MBD5: variants seen among roughly 807,000 people sequenced by gnomAD.
The protein encoded by MBD5 is methyl-CpG-binding domain protein 5.
A neutral mutation model predicts 117.3 loss-of-function variants in MBD5; 13 were observed. The observed-to-expected ratio is 0.11, with a 90% CI of 0.07 to 0.18. The LOEUF (loss-of-function observed/expected upper bound fraction) is 0.18, where lower values mean the gene tolerates loss of function less well. Ranked by LOEUF, MBD5 falls within the 10% of genes least tolerant of loss-of-function variation. MBD5 has a pLI of 1.00. For synonymous variants in MBD5, 727 were observed against 766.4 expected, an observed-to-expected ratio of 0.95 and a Z score of 0.85; for missense variants, 1,879 against 2,093.8, an observed-to-expected ratio of 0.90 and a Z score of 2.00.
At chr2:148,313,561 T>A (rs1170806239) in intron 3 of MBD5, among the ~76,000 whole-genome samples, 1 of 152,162 alleles carries the variant, frequency 6.6e-6, no homozygotes, top group Non-Finnish European at 1.5e-5. Context: ...AGCCAGTGGA[T>A]CTTAACTTAC....
intron 4 of MBD5, among the ~76,000 whole-genome samples, chr2:148,373,890 A>G (rs1243381171): frequency 1.3e-5 from 2 of 152,122 alleles, no homozygotes; most frequent in African/African-American, 4.8e-5. Flanking sequence ...GGCTTACCTT[A>G]TATCAGTAGT....
rs1681241272 is a variant in MBD5 at position 148,483,717 on chromosome 2, C to A, written c.3126C>A (p.Asp1042Glu). 1 of 1,550,474 alleles carries A rather than the reference C, an allele frequency of 6.4e-7. No individual in the cohort carries two copies. Among genetic ancestry groups the A allele is most frequent in the Admixed American group, 2.0e-5 (1 of 50,986 alleles). The change falls in exon 9 of 14, where the codon GAC becomes GAA. Residue 1042 changes from aspartate (D) to glutamate (E), a missense_variant. Transcript: ENST00000642680. Reference sequence around the variant, plus strand: ...ACCATTTGCCAAGCAATCAGTCAGACAACAGCCGAGCTGAGACCCTTTTAA... The same window carrying A: ...ACCATTTGCCAAGCAATCAGTCAGAAAACAGCCGAGCTGAGACCCTTTTAA... ...PPDHLPSNQSDNSRAETLLTS... is the reference protein window; with the variant it reads ...PPDHLPSNQSENSRAETLLTS...
In MBD5 at chr2:148,060,769, T is replaced by C. The variant is rs563768586; in HGVS notation, c.-925+39085T>C. Among the ~76,000 whole-genome samples the C allele has an allele frequency of 2.0e-5, 3 of 152,294 alleles. No individual in the cohort carries two copies. In the South Asian group the frequency reaches 6.2e-4, roughly 32 times the overall value. On this transcript the variant is annotated intron_variant, in intron 1 of 13. Coordinates refer to ENST00000642680, the MANE Select transcript of MBD5 (RefSeq NM_001378120.1). The stretch of plus-strand genomic sequence containing the variant: ...CCATTTCTCCCTAAATGCCTTACTT[T>C]AGTCAAATCATATCTATGATTTTTA...
intron 1 of MBD5, among the ~76,000 whole-genome samples, chr2:148,157,737 A>AT (rs778393446): frequency 3.3e-5 from 5 of 152,164 alleles, no homozygotes; most frequent in Non-Finnish European, 7.3e-5. Context: ...ACTATCAAAG[A>AT]TTTTTTATTT....
At chr2:148,200,191 C>G (rs919989298) in intron 2 of MBD5, among the ~76,000 whole-genome samples, 1 of 148,032 alleles carries the variant, frequency 6.8e-6, no homozygotes, top group Non-Finnish European at 1.5e-5. Flanking sequence ...CTTTCTTTTT[C>G]CCCCCTAAGA....
chr2:148,112,569 G>A (rs1214853517), intron 1 of MBD5, among the ~76,000 whole-genome samples: 1 of 151,976 alleles, frequency 6.6e-6, no homozygotes, highest in Non-Finnish European at 1.5e-5. Context: ...TGCAGTTCAT[G>A]GTTTACAGTA....
At chr2:148,078,464 G>T (rs1054191402) in intron 1 of MBD5, among the ~76,000 whole-genome samples, 1 of 152,216 alleles carries the variant, frequency 6.6e-6, no homozygotes, top group African/African-American at 2.4e-5. Context: ...GCTTACTATG[G>T]ATTACATACA....
intron 2 of MBD5, among the ~76,000 whole-genome samples, chr2:148,206,196 A>G (rs981237723): frequency 6.6e-6 from 1 of 152,154 alleles, no homozygotes; most frequent in African/African-American, 2.4e-5. Flanking sequence ...ACACGCATAT[A>G]TATGTATACA....
chr2:148,167,669 G>C (rs774716932), intron 1 of MBD5, among the ~76,000 whole-genome samples: 1 of 152,128 alleles, frequency 6.6e-6, no homozygotes, highest in Non-Finnish European at 1.5e-5. Flanking sequence ...AATATGTGAT[G>C]TCCTTTAGGA....
chr2:148,203,321 G>A (rs79804166), intron 2 of MBD5, among the ~76,000 whole-genome samples: 284 of 152,216 alleles, frequency 1.9e-3, no homozygotes, highest in African/African-American at 6.5e-3. Context: ...TGGCCTATTT[G>A]CATAAAAGAC....
chr2:148,264,311 GAAGAA>G (rs1700803780), intron 3 of MBD5: 2 of 147,068 alleles, frequency 1.4e-5, no homozygotes, highest in African/African-American at 2.5e-5. Context: ...AGAAGAAGAA[GAAGAA>G]GAAGAGGAAG....
At position 148,510,135 on chromosome 2, in the gene MBD5, T is replaced by A. The variant is rs779444330; in HGVS notation, c.5112T>A (p.Thr1704=). ...AMSELDKMSG[T]VHQIPQGDRQ... ...GTGAACTGGACAAAATGTCTGGGACTGTAAGTTAATTTATTTTTCCATTAT... is the reference window on the plus strand; with the variant it reads ...GTGAACTGGACAAAATGTCTGGGACAGTAAGTTAATTTATTTTTCCATTAT... Residue 1704 remains threonine, a splice_region_variant and synonymous_variant, in exon 13 of 14, where the codon ACT becomes ACA. Coordinates refer to ENST00000642680, the MANE Select transcript of MBD5 (RefSeq NM_001378120.1). 1.9e-6 allele frequency: 3 copies of A among 1,600,670 alleles called. No individual in the cohort carries two copies. Among genetic ancestry groups the A allele is most frequent in the Non-Finnish European group, 1.7e-6 (2 of 1,167,962 alleles).
intron 4 of MBD5, among the ~76,000 whole-genome samples, chr2:148,390,572 T>C (rs1559051531): frequency 6.6e-6 from 1 of 151,098 alleles, no homozygotes. Context: ...TGTATATATA[T>C]ATATATATAT....
At chr2:148,438,812 C>T (rs537507660) in intron 4 of MBD5, among the ~76,000 whole-genome samples, 17 of 152,232 alleles carry the variant, frequency 1.1e-4, no homozygotes, top group African/African-American at 3.6e-4. Context: ...CTCGAAGAGA[C>T]CTGTTTGCCT....
chr2:148,338,417 T>C (rs183479087), intron 3 of MBD5, among the ~76,000 whole-genome samples: 5 of 152,328 alleles, frequency 3.3e-5, no homozygotes, highest in African/African-American at 7.2e-5. Flanking sequence ...AAAACATTTA[T>C]TGGCCACCTA....
chr2:148,261,669 T>C (rs772995407), intron 3 of MBD5, among the ~76,000 whole-genome samples: 2 of 152,270 alleles, frequency 1.3e-5, no homozygotes, highest in Non-Finnish European at 2.9e-5. Context: ...TGCTTTCTTA[T>C]CATTTGTGTA....
chr2:148,117,362 C>T (rs1312805891), intron 1 of MBD5, among the ~76,000 whole-genome samples: 2 of 151,776 alleles, frequency 1.3e-5, no homozygotes, highest in Middle Eastern at 3.4e-3. Flanking sequence ...AGGACTAAGA[C>T]ATGTGTAGCC....
At chr2:148,366,466 G>A (rs1048948858) in intron 4 of MBD5, among the ~76,000 whole-genome samples, 5 of 152,176 alleles carry the variant, frequency 3.3e-5, no homozygotes, top group Non-Finnish European at 7.3e-5. Flanking sequence ...AGTGTTGGAA[G>A]TTCTGGCCAG....
At chr2:148,200,855 T>C (rs144534760) in intron 2 of MBD5, among the ~76,000 whole-genome samples, 171 of 152,332 alleles carry the variant, frequency 1.1e-3, no homozygotes, top group East Asian at 9.1e-3. Flanking sequence ...TTGGCCTTTG[T>C]ATACTTTATT....
Sources: allele counts gnomAD v4.1 joint callset (sites outside exome capture counted in the v4.1 genomes callset), GRCh38; gene constraint gnomAD v4.1.1; transcripts MANE v1.5; gene names NCBI Gene and HGNC (gene_info 2026-07-23, HGNC 2026-07-21).